Variants in PCDH8 observed in about 807,000 individuals in gnomAD.
PCDH8 encodes protocadherin 8.
Under a neutral mutation model 58.2 loss-of-function variants are expected in PCDH8, and 36 were observed. The ratio of observed to expected loss-of-function variants is 0.62; its 90% CI spans 0.47 to 0.82. The LOEUF is 0.82. PCDH8 is among the 40% of genes least tolerant of loss of function. The pLI is 0.00. For missense variants in PCDH8, 1,493 were observed against 1,567.8 expected (o/e 0.95, Z 0.81); for synonymous variants, 775 against 728.9 (o/e 1.06, Z -1.02).
Position 52,844,550 on chromosome 13 carries a change from C to T in PCDH8, c.*10G>A. 2.6e-6 allele frequency: 4 copies of T among 1,565,014 alleles called. No individual in the cohort carries two copies. Among genetic ancestry groups the T allele is most frequent in the Non-Finnish European group, 3.5e-6 (4 of 1,154,704 alleles). ...TGACCTGTATATGTGTGAAGACATG[C>T]AGCATGGGATTACACATTTTCATTG... On this transcript the variant is annotated 3_prime_UTR_variant, in exon 3 of 3. Coordinates refer to ENST00000377942, the MANE Select transcript of PCDH8 (RefSeq NM_002590.4).
At position 52,848,353 on chromosome 13, in the gene PCDH8, C is replaced by T; in HGVS notation, c.84G>A (p.Gln28=). 1 of 1,612,874 alleles carries T rather than the reference C, an allele frequency of 6.2e-7. No individual in the cohort carries two copies. The change falls in exon 1 of 3, where the codon CAG becomes CAA. Residue 28 remains glutamine (Q), a synonymous_variant. Transcript: ENST00000377942. ...AGGTGCTGTATCGGACTGTTTTGCT[C>T]TGGGCCACTGAGAGCACCCAGCAGA... ...FSLCWVLSVA[Q]SKTVRYSTFE...
At position 52,846,064 on chromosome 13, in the gene PCDH8, C is replaced by T; in HGVS notation, c.2373G>A (p.Arg791=). Residue 791 remains arginine (R), a synonymous_variant, in exon 1 of 3, where the codon CGG becomes CGA. Coordinates refer to ENST00000377942, the MANE Select transcript of PCDH8 (RefSeq NM_002590.4). ...VRKGGALREE[R]PGAAGGGASA... ...AGGCTCCGCCGCCCGCCGCCCCGGG[C>T]CGCTCTTCCCGGAGGGCCCCCCCTT... is the stretch of plus-strand genomic sequence containing the variant. 1 of 1,534,778 alleles carries T rather than the reference C, an allele frequency of 6.5e-7. No individual in the cohort carries two copies. The highest frequency in any genetic ancestry group is 8.7e-7 in the Non-Finnish European group (1 of 1,154,854).
rs943667910 is a variant in PCDH8 at position 52,843,661 on chromosome 13, T to C, written c.*899A>G. 3 of 152,244 alleles carry C rather than the reference T, an allele frequency of 2.0e-5. No homozygotes were observed. Among genetic ancestry groups the C allele is most frequent in the Non-Finnish European group, 4.4e-5 (3 of 68,042 alleles). 9.4% of individuals were successfully genotyped at this position (152,244 alleles called of 1,614,324 possible). ...AAAAGTTCTACAGATGCTTGTTTAA[T>C]TAGTGAATGAACAACCCAAACTTAG... is the stretch of plus-strand genomic sequence containing the variant. On this transcript the variant is annotated 3_prime_UTR_variant, in exon 3 of 3. Transcript: ENST00000377942.
Position 52,847,053 on chromosome 13 carries a change from C to T in PCDH8, c.1384G>A (p.Glu462Lys). ...TCGGCCACCAGCGTCAAGTTGTACT[C>T]GGCGATGCGTTCGCGGTCCAGCGAC... ...AASLDRERIA[E>K]YNLTLVAEDR... Residue 462 changes from glutamate to lysine, a missense_variant, in exon 1 of 3, where the codon GAG (glutamate) becomes AAG (lysine). By Grantham distance (56) the Glu-to-Lys change is moderately conservative. Coordinates refer to ENST00000377942, the MANE Select transcript of PCDH8 (RefSeq NM_002590.4). The T allele has an allele frequency of 1.3e-6, 2 of 1,564,892 alleles. No individual in the cohort carries two copies. Among genetic ancestry groups the T allele is most frequent in the Non-Finnish European group, 1.7e-6 (2 of 1,158,556 alleles).
chr13:52,845,385 G>A (rs139502615), intron 2 of PCDH8, 40 bp downstream of exon 2: 17,866 of 1,582,738 alleles, frequency 0.011, 120 homozygotes, highest in Non-Finnish European at 0.014. Context: ...GGGGAGGGAA[G>A]GGAGGAATGC....
rs1965783502 is a variant in PCDH8 at position 52,848,633 on chromosome 13, C to T, written c.-197G>A. ...TCACTCTGCGCCTCTCCGTCTCTTA[C>T]AGAAGCTGCGCCGCCTCGCGCCGCC... On this transcript the variant is annotated 5_prime_UTR_variant, in exon 1 of 3. Transcript: ENST00000377942. 1 of 1,136,018 alleles carries T rather than the reference C, an allele frequency of 8.8e-7. No homozygotes were observed. The highest frequency in any genetic ancestry group is 1.2e-6 in the Non-Finnish European group (1 of 848,298). 70.4% of individuals were successfully genotyped at this position (1,136,018 alleles called of 1,614,324 possible).
chr13:52,847,692 C>A lies in PCDH8; in HGVS notation c.745G>T (p.Ala249Ser). 6.4e-7 allele frequency: 1 copy of A among 1,551,946 alleles called. No homozygotes were observed. The highest frequency in any genetic ancestry group is 8.6e-7 in the Non-Finnish European group (1 of 1,158,388). Reference protein sequence around the residue: ...NDHSPAFPQGAVAEVELAEDA... With the variant: ...NDHSPAFPQGSVAEVELAEDA... ...TCCGCCAGCTCCACTTCGGCCACGG[C>A]GCCCTGCGGGAAGGCCGGGCTGTGG... The change falls in exon 1 of 3, where the codon GCC becomes TCC. Residue 249 changes from alanine (A) to serine (S), a missense_variant. Ala to Ser is a moderately conservative substitution (Grantham distance 99). Around this residue, in one of 3 missense-constraint regions of PCDH8, gnomAD observed 1,307 missense variants for 1,362.7 expected, o/e 0.96. Coordinates refer to ENST00000377942, the MANE Select transcript of PCDH8 (RefSeq NM_002590.4).
rs1319732818 is a variant in PCDH8 at position 52,847,345 on chromosome 13, C to T, written c.1092G>A (p.Ala364=). Residue 364 remains alanine, a synonymous_variant, in exon 1 of 3, where the codon GCG becomes GCA. Coordinates refer to ENST00000377942, the MANE Select transcript of PCDH8 (RefSeq NM_002590.4). ...IAITPLAAPG[A]PATSPFAAAA... ...CAGCGGCGAAGGGTGAGGTTGCCGGCGCGCCTGGGGCGGCCAGCGGGGTGA... is the reference window on the plus strand; with the variant it reads ...CAGCGGCGAAGGGTGAGGTTGCCGGTGCGCCTGGGGCGGCCAGCGGGGTGA... The T allele has an allele frequency of 6.8e-7, 1 of 1,461,240 alleles. No individual in the cohort carries two copies. The highest frequency in any genetic ancestry group is 2.7e-5 in the East Asian group (1 of 36,654). 90.5% of individuals were successfully genotyped at this position (1,461,240 alleles called of 1,614,324 possible). A position where few individuals can be genotyped will look rare whatever the true frequency, so the allele number is the denominator to read the frequency against.
rs1965685915 is a variant in PCDH8, at chr13:52,843,145, C to T, written c.*1415G>A. 2 of 152,174 alleles carry T rather than the reference C, an allele frequency of 1.3e-5. No individual in the cohort carries two copies. The highest frequency in any genetic ancestry group is 4.1e-4 in the South Asian group (2 of 4,832). 9.4% of individuals were successfully genotyped at this position (152,174 alleles called of 1,614,324 possible). On this transcript the variant is annotated 3_prime_UTR_variant, in exon 3 of 3. Transcript: ENST00000377942. ...TCAGTAAATGTTAGGTCTCATTATG[C>T]TTATCATCATTTTAATTTCAAATGA...
At chr13:52,845,026 G>T in intron 2 of PCDH8, 93 bp from the exon 3 acceptor site, 4 of 1,390,294 alleles carry the variant, frequency 2.9e-6, no homozygotes, top group Non-Finnish European at 3.9e-6. Flanking sequence ...CCTGGGTCAG[G>T]GCAGCTGAAA....
At position 52,847,764 on chromosome 13, in the gene PCDH8, G is replaced by A; in HGVS notation, c.673C>T (p.Arg225Cys). 1 of 1,460,000 alleles carries A rather than the reference G, an allele frequency of 6.8e-7. No individual in the cohort carries two copies. The highest frequency in any genetic ancestry group is 9.0e-7 in the Non-Finnish European group (1 of 1,115,906). 90.4% of individuals were successfully genotyped at this position (1,460,000 alleles called of 1,614,324 possible). The change falls in exon 1 of 3, where the codon CGC (arginine) becomes TGC (cysteine). Residue 225 changes from arginine to cysteine, a missense_variant. Coordinates refer to ENST00000377942, the MANE Select transcript of PCDH8 (RefSeq NM_002590.4). ...ACGCTGAGGGCAGCCGTGGCGGAGC[G>A]CGGCGGGCGGCCGCCGTCCTGGGCC... ...LVAQDGGRPP[R>C]SATAALSVRV...
rs780684382 is a variant in PCDH8, at chr13:52,844,835, G to T, written c.2938C>A (p.Pro980Thr). Residue 980 changes from proline (P) to threonine (T), a missense_variant, in exon 3 of 3, where the codon CCA becomes ACA. Pro to Thr is a conservative substitution (Grantham distance 38). Transcript: ENST00000377942. ...CAGAAGGTTGACATCTGGGCTGGTG[G>T]GTGAGGCGATGGATGTGCGTTGGGC... ...SGPNAHPSPHPPAQMSTFCKS... is the reference protein window; with the variant it reads ...SGPNAHPSPHTPAQMSTFCKS... 2 of 1,611,294 alleles carry T rather than the reference G, an allele frequency of 1.2e-6. No individual in the cohort carries two copies. The highest frequency in any genetic ancestry group is 3.3e-4 in the Middle Eastern group (2 of 6,050).
rs945125074 is a variant in PCDH8 at position 52,845,818 on chromosome 13, G to T, written c.2619C>A (p.Gly873=). ...AGGAAGGCCTCACCTCGGCGTGCGC[G>T]CCGCGGAGCCGCTGCTGCCCCTCGA... ...CHFEGQQRLR[G]AHAEPYGASP... Residue 873 remains glycine (G), a synonymous_variant, in exon 1 of 3, where the codon GGC becomes GGA. Transcript: ENST00000377942. 2 of 1,504,738 alleles carry T rather than the reference G, an allele frequency of 1.3e-6. No homozygotes were observed. The highest frequency in any genetic ancestry group is 4.4e-5 in the Admixed American group (2 of 45,834). The allele number at this position is 1,504,738 out of a possible 1,614,324, so 93.2% of individuals were successfully genotyped here. A position where few individuals can be genotyped will look rare whatever the true frequency, so the allele number is the denominator to read the frequency against.
At position 52,843,818 on chromosome 13, in the gene PCDH8, T is replaced by C. The variant is rs1965691844; in HGVS notation, c.*742A>G. On this transcript the variant is annotated 3_prime_UTR_variant, in exon 3 of 3. Coordinates refer to ENST00000377942, the MANE Select transcript of PCDH8 (RefSeq NM_002590.4). ...TCAACACACGTTTTTAATACTTGGG[T>C]GACATTTTGCAATACTTGAAATCCT... is the stretch of plus-strand genomic sequence containing the variant. 1 of 152,228 alleles carries C rather than the reference T, an allele frequency of 6.6e-6. No individual in the cohort carries two copies. 9.4% of individuals were successfully genotyped at this position (152,228 alleles called of 1,614,324 possible).
In PCDH8 at chr13:52,848,036, C is replaced by A. The variant is rs752517249; in HGVS notation, c.401G>T (p.Arg134Leu). The part of the protein sequence containing the change: ...EVRDVNDHAP[R>L]FPRAQIPVEV... ...TACCGGGATCTGGGCCCTGGGGAAGCGCGGCGCGTGGTCGTTGACGTCCCT... is the reference window on the plus strand; with the variant it reads ...TACCGGGATCTGGGCCCTGGGGAAGAGCGGCGCGTGGTCGTTGACGTCCCT... The change falls in exon 1 of 3, where the codon CGC becomes CTC. Residue 134 changes from arginine (R) to leucine (L), a missense_variant. Coordinates refer to ENST00000377942, the MANE Select transcript of PCDH8 (RefSeq NM_002590.4). 2 of 1,611,422 alleles carry A rather than the reference C, an allele frequency of 1.2e-6. No individual in the cohort carries two copies. The highest frequency in any genetic ancestry group is 2.2e-5 in the East Asian group (1 of 44,860).
In PCDH8 at chr13:52,846,465, G is replaced by T. The variant is rs918552075; in HGVS notation, c.1972C>A (p.Pro658Thr). 10 of 1,598,552 alleles carry T rather than the reference G, an allele frequency of 6.3e-6. No homozygotes were observed. The Admixed American group carries it at 1.3e-4, about 21-fold the overall frequency. The stretch of plus-strand genomic sequence containing the variant: ...CGGCCGATGGCGAAGGCTTCGCGCG[G>T]CTCCTGCTGCTGCAGCTCGAACGCC... ...ELAFELQQQE[P>T]REAFAIGRRT... The change falls in exon 1 of 3, where the codon CCG becomes ACG. Residue 658 changes from proline to threonine, a missense_variant. Pro to Thr is a conservative substitution (Grantham distance 38, BLOSUM62 -1). Around this residue, in one of 3 missense-constraint regions of PCDH8, gnomAD observed 1,307 missense variants for 1,362.7 expected, o/e 0.96. Coordinates refer to ENST00000377942, the MANE Select transcript of PCDH8 (RefSeq NM_002590.4).
Position 52,847,064 on chromosome 13 carries a change from TC to T in PCDH8, c.1372del (p.Glu458AsnfsTer8). ...LVVTAASLDR[E>X]RIAEYNLTLV... ...CGTCAAGTTGTACTCGGCGATGCGT[TC>T]GCGGTCCAGCGACGCCGCGGTCACC... On this transcript the variant is annotated frameshift_variant, in exon 1 of 3. Coordinates refer to ENST00000377942, the MANE Select transcript of PCDH8 (RefSeq NM_002590.4). LOFTEE classifies it high-confidence loss of function. 6.4e-7 allele frequency: 1 copy of T among 1,562,786 alleles called. No homozygotes were observed.
At position 52,847,536 on chromosome 13, in the gene PCDH8, G is replaced by A; in HGVS notation, c.901C>T (p.Pro301Ser). 1 of 1,579,548 alleles carries A rather than the reference G, an allele frequency of 6.3e-7. No individual in the cohort carries two copies. The highest frequency in any genetic ancestry group is 1.1e-5 in the South Asian group (1 of 87,706). The change falls in exon 1 of 3, where the codon CCG (proline) becomes TCG (serine). Residue 301 changes from proline to serine, a missense_variant. Around this residue, in one of 3 missense-constraint regions of PCDH8, gnomAD observed 1,307 missense variants for 1,362.7 expected, o/e 0.96. Transcript: ENST00000377942. ...GCCAGGGTGAGGCGGCCTGATCGCGGGTCAAGCCGAAAGAGGCGGCGCGCC... is the reference window on the plus strand; with the variant it reads ...GCCAGGGTGAGGCGGCCTGATCGCGAGTCAAGCCGAAAGAGGCGGCGCGCC... ...PEARRLFRLD[P>S]RSGRLTLAGP...
Position 52,846,739 on chromosome 13 carries a change from G to C in PCDH8, c.1698C>G (p.Ser566Arg), listed in dbSNP as rs566855715. ...PATGAIYALRSFDYETLRQLD... is the reference protein window; with the variant it reads ...PATGAIYALRRFDYETLRQLD... ...GTTGGCGCAGCGTCTCATAGTCGAAGCTGCGCAGCGCGTAGATGGCTCCGG... is the reference window on the plus strand; with the variant it reads ...GTTGGCGCAGCGTCTCATAGTCGAACCTGCGCAGCGCGTAGATGGCTCCGG... The change falls in exon 1 of 3, where the codon AGC becomes AGG. Residue 566 changes from serine (S) to arginine (R), a missense_variant. By Grantham distance (110) the Ser-to-Arg change is moderately radical. Transcript: ENST00000377942. The C allele has an allele frequency of 2.5e-6, 4 of 1,589,022 alleles. No homozygotes were observed. In the African/African-American group the frequency reaches 4.0e-5, roughly 16 times the overall value.
Sources: gnomAD v4.1 joint callset for allele counts on GRCh38, gnomAD v4.1.1 for gene constraint, gnomAD v4.1.1 regional missense constraint, MANE v1.5 for transcripts, NCBI Gene and HGNC (gene_info 2026-07-23, HGNC 2026-07-21) for gene names.